The following FBLN1 variants were observed in gnomAD, a reference collection of about 807,000 sequenced individuals.
The protein encoded by FBLN1 is fibulin 1, also known as fibulin-1.
Under a neutral mutation model 89.7 loss-of-function variants are expected in FBLN1, and 34 were observed. The observed-to-expected ratio is 0.38, with a 90% confidence interval of 0.29 to 0.50. The LOEUF (loss-of-function observed/expected upper bound fraction) is 0.50. Among genes scored for constraint, FBLN1 ranks in the 20% least tolerant of loss-of-function variants. The pLI is 0.92. For missense variants in FBLN1, 777 were observed against 988.1 expected, an observed-to-expected ratio of 0.79 and a Z score of 2.86; for synonymous variants, 393 against 391.3, an observed-to-expected ratio of 1.00 and a Z score of -0.05.
In FBLN1 at chr22:45,531,341, T is replaced by C; in HGVS notation, c.544+17T>C. ...GCTGCCGAGGTGAGACTCGGGCGTC[T>C]CCCATCAGTTGGTATTTAAACAAAC... On this transcript the variant is annotated intron_variant, in intron 5 of 16. Coordinates refer to ENST00000327858, the MANE Select transcript of FBLN1 (RefSeq NM_006486.3). This position sits in a 1 kb window ranked among gnomAD's most constrained non-coding sequence, Gnocchi z 4.9. The C allele has an allele frequency of 6.2e-7, 1 of 1,611,874 alleles. No individual in the cohort carries two copies. Among genetic ancestry groups the C allele is most frequent in the African/African-American group, 1.3e-5 (1 of 74,948 alleles).
At position 45,577,906 on chromosome 22, in the gene FBLN1, C is replaced by A. The variant is rs952161158; in HGVS notation, c.1972+798C>A. 9 of 153,786 alleles carry A rather than the reference C, an allele frequency of 5.9e-5. No homozygotes were observed. The highest frequency in any genetic ancestry group is 2.2e-4 in the African/African-American group (9 of 41,462). The allele number at this position is 153,786 out of a possible 1,614,324, so 9.5% of individuals were successfully genotyped here. On this transcript the variant is annotated intron_variant, in intron 16 of 16. Transcript: ENST00000327858. This position sits in a 1 kb window ranked among gnomAD's most constrained non-coding sequence, Gnocchi z 6.6. Reference sequence around the variant, plus strand: ...GCACGCTTGTTTCTGTCATTCACAGCCCCTCTCCTGAACTGTCACATTTTA... The same window carrying A: ...GCACGCTTGTTTCTGTCATTCACAGACCCTCTCCTGAACTGTCACATTTTA...
intron 2 of FBLN1, among the ~76,000 whole-genome samples, chr22:45,521,057 C>G (rs1279348331): frequency 6.6e-6 from 1 of 152,162 alleles, no homozygotes; most frequent in African/African-American, 2.4e-5. Flanking sequence ...CTCAGGTGAT[C>G]CTCCTGCCTT....
chr22:45,503,093 G>T, intron 1 of FBLN1, 29 bp downstream of exon 1: 1 of 1,227,002 alleles, frequency 8.1e-7, no homozygotes, highest in Non-Finnish European at 1.0e-6. Flanking sequence ...CGCCGCCCCA[G>T]CTTAGGGTCC....
chr22:45,600,174 T>C lies in FBLN1; in HGVS notation c.1973-133T>C, dbSNP rs1480759005. 5 of 1,033,530 alleles carry C rather than the reference T, an allele frequency of 4.8e-6. No homozygotes were observed. The Admixed American group carries it at 8.6e-5, about 18-fold the overall frequency. The allele number at this position is 1,033,530 out of a possible 1,614,324, so 64.0% of individuals were successfully genotyped here. On this transcript the variant is annotated intron_variant, in intron 16 of 16. Coordinates refer to ENST00000327858, the MANE Select transcript of FBLN1 (RefSeq NM_006486.3). The stretch of plus-strand genomic sequence containing the variant: ...ATGTTATTCAGGGGACTCGAGCATC[T>C]GGCGTAGGATGGGACTCCATGAGGT...
intron 16 of FBLN1, among the ~76,000 whole-genome samples, chr22:45,599,509 C>T (rs550454568): frequency 9.9e-4 from 150 of 152,220 alleles, no homozygotes; most frequent in Middle Eastern, 6.8e-3. Context: ...GGAGAGGATA[C>T]GCCTGCTTCA....
chr22:45,503,145 C>A, intron 1 of FBLN1, 81 bp downstream of exon 1: 1 of 928,860 alleles, frequency 1.1e-6, no homozygotes, highest in African/African-American at 1.8e-5. Flanking sequence ...TTCGGAACCA[C>A]GGGGACTCGG....
chr22:45,577,084 C>T lies in FBLN1; in HGVS notation c.1948C>T (p.Arg650Cys). The T allele has an allele frequency of 6.2e-7, 1 of 1,614,108 alleles. No individual in the cohort carries two copies. The highest frequency in any genetic ancestry group is 8.5e-7 in the Non-Finnish European group (1 of 1,180,010). The stretch of plus-strand genomic sequence containing the variant: ...GCGGGACTCTTTTGACATCATCAAG[C>T]GTTACATGGACGGCATGACCGTGGG... ...NLRDSFDIIKRYMDGMTVGVV... is the reference protein window; with the variant it reads ...NLRDSFDIIKCYMDGMTVGVV... Residue 650 changes from arginine (R) to cysteine (C), a missense_variant, in exon 16 of 17, where the codon CGT becomes TGT. By Grantham distance (180) the Arg-to-Cys change is radical. Transcript: ENST00000327858. This position sits in a 1 kb window ranked among gnomAD's most constrained non-coding sequence, Gnocchi z 6.6.
chr22:45,507,663 G>A (rs1950957822), intron 1 of FBLN1, among the ~76,000 whole-genome samples: 2 of 152,042 alleles, frequency 1.3e-5, no homozygotes, highest in African/African-American at 2.4e-5. Context: ...GAGTAGCTGC[G>A]ACTACAGGCA....
Position 45,537,027 on chromosome 22 carries a change from C to T in FBLN1, c.922+1690C>T, listed in dbSNP as rs186493172. Among the ~76,000 whole-genome samples, 848 of 152,226 alleles carry T rather than the reference C, an allele frequency of 5.6e-3. 10 individuals are homozygous for T. The highest frequency in any genetic ancestry group is 0.019 in the African/African-American group (797 of 41,558). Reference sequence around the variant, plus strand: ...AGTCAGCGCTTAAGTCCTGATCCACCGGCTCTCCCTCGGCCTCTGCTTGGC... The same window carrying T: ...AGTCAGCGCTTAAGTCCTGATCCACTGGCTCTCCCTCGGCCTCTGCTTGGC... On this transcript the variant is annotated intron_variant, in intron 8 of 16. Transcript: ENST00000327858. The surrounding 1 kb of genome is among the most constrained non-coding windows in gnomAD (Gnocchi z 5.7).
intron 2 of FBLN1, among the ~76,000 whole-genome samples, chr22:45,519,847 A>G (rs974540837): frequency 6.6e-6 from 1 of 151,858 alleles, no homozygotes; most frequent in Admixed American, 6.6e-5. Flanking sequence ...CAAAGGCACC[A>G]TGATACCTCC....
intron 6 of FBLN1, 70 bp from the exon 7 acceptor site, chr22:45,533,691 T>C (rs1602183438): frequency 1.3e-6 from 2 of 1,579,438 alleles, no homozygotes; most frequent in East Asian, 4.5e-5. Flanking sequence ...CTTTGGCACA[T>C]TCCTTTCTAG....
rs2089027073 is a variant in FBLN1, at chr22:45,579,693, G to A, written c.1972+2585G>A. 6.6e-6 allele frequency among the ~76,000 whole-genome samples: 1 copy of A among 152,196 alleles called. No homozygotes were observed. Among genetic ancestry groups the A allele is most frequent in the Middle Eastern group, 3.2e-3 (1 of 316 alleles). On this transcript the variant is annotated intron_variant, in intron 16 of 16. Transcript: ENST00000327858. The surrounding 1 kb of genome is among the most constrained non-coding windows in gnomAD (Gnocchi z 5.5). ...CAGGTGGAAGACTGAGACCAGGGAGGCAAGCCCTGCGTGTTGGGACCTAGG... is the reference window on the plus strand; with the variant it reads ...CAGGTGGAAGACTGAGACCAGGGAGACAAGCCCTGCGTGTTGGGACCTAGG...
chr22:45,598,914 G>T (rs760850459), intron 16 of FBLN1, among the ~76,000 whole-genome samples: 1 of 152,212 alleles, frequency 6.6e-6, no homozygotes, highest in African/African-American at 2.4e-5. Context: ...CAGCCTCTCC[G>T]CAGTGCAGTG....
chr22:45,517,433 G>T (rs990776622), intron 1 of FBLN1: 2 of 408,502 alleles, frequency 4.9e-6, no homozygotes. Context: ...TGAGCTGAGG[G>T]GCTGGGAGGG....
chr22:45,580,792 G>A lies in FBLN1; in HGVS notation c.1972+3684G>A, dbSNP rs914268065. The stretch of plus-strand genomic sequence containing the variant: ...GTTCAGTCCTCCCAGAGTAACAGAA[G>A]AAGAGGGAGAAATGCCCCGAGTCCA... On this transcript the variant is annotated intron_variant, in intron 16 of 16. Transcript: ENST00000327858. This position sits in a 1 kb window ranked among gnomAD's most constrained non-coding sequence, Gnocchi z 8.6. Among the ~76,000 whole-genome samples, 1 of 152,146 alleles carries A rather than the reference G, an allele frequency of 6.6e-6. No homozygotes were observed. The highest frequency in any genetic ancestry group is 1.5e-5 in the Non-Finnish European group (1 of 68,022).
At chr22:45,528,314 T>C (rs1325616583) in intron 4 of FBLN1, among the ~76,000 whole-genome samples, 1 of 152,172 alleles carries the variant, frequency 6.6e-6, no homozygotes, top group Admixed American at 6.5e-5. Context: ...TGATCTGCTT[T>C]TCTCAGCATC....
chr22:45,515,169 G>T lies in FBLN1; in HGVS notation c.80-3513G>T, dbSNP rs538018593. 2.6e-5 allele frequency among the ~76,000 whole-genome samples: 4 copies of T among 152,314 alleles called. No individual in the cohort carries two copies. In the South Asian group the frequency reaches 6.2e-4, roughly 24 times the overall value. ...GTGGGTCAGGGCCCGGCAATTGATT[G>T]GTGAGTGTTACAGTGAGGATGATCG... On this transcript the variant is annotated intron_variant, in intron 1 of 16. Coordinates refer to ENST00000327858, the MANE Select transcript of FBLN1 (RefSeq NM_006486.3).
At chr22:45,533,949 G>A (rs774418344) in intron 7 of FBLN1, 51 bp downstream of exon 7, 48 of 1,609,936 alleles carry the variant, frequency 3.0e-5, no homozygotes, top group Admixed American at 2.2e-4. Flanking sequence ...GCGTAGATAC[G>A]GCGCGGTGGG....
intron 1 of FBLN1, among the ~76,000 whole-genome samples, chr22:45,510,086 T>G (rs2088078713): frequency 6.6e-6 from 1 of 152,096 alleles, no homozygotes; most frequent in African/African-American, 2.4e-5. Flanking sequence ...TTCACGGAGC[T>G]TTGCCAACTT....
Sources: gnomAD v4.1 joint callset for allele counts (sites outside exome capture counted in the v4.1 genomes callset) on GRCh38, gnomAD v4.1.1 for gene constraint, Gnocchi (gnomAD v3.1) non-coding constraint, MANE v1.5 for transcripts, NCBI Gene and HGNC (gene_info 2026-07-23, HGNC 2026-07-21) for gene names.